MEI1: variants seen among roughly 807,000 people sequenced by gnomAD.
MEI1 encodes the protein meiosis inhibitor protein 1.
Under a neutral mutation model 146.2 loss-of-function variants are expected in MEI1, and 103 were observed. That is an observed-to-expected ratio of 0.70 (90% confidence interval 0.60 to 0.83). MEI1 has a LOEUF of 0.83. MEI1 is among the 40% of genes least tolerant of loss of function. The pLI is 0.00. For missense variants in MEI1, 1,529 were observed against 1,533.0 expected (o/e 1.00, Z 0.04); for synonymous variants, 652 against 628.2 (o/e 1.04, Z -0.57).
chr22:41,708,587 C>A (rs899019269), intron 3 of MEI1, among the ~76,000 whole-genome samples: 3 of 152,182 alleles, frequency 2.0e-5, no homozygotes, highest in African/African-American at 7.2e-5. Context: ...ATGAAGTCTT[C>A]ATCTGATGCT....
chr22:41,713,656 C>G (rs1280631965), intron 3 of MEI1, among the ~76,000 whole-genome samples: 2 of 152,174 alleles, frequency 1.3e-5, no homozygotes, highest in East Asian at 3.9e-4. Flanking sequence ...TCAAGCAATT[C>G]TCCTGCCTCA....
intron 1 of MEI1, among the ~76,000 whole-genome samples, chr22:41,700,730 G>A (rs1235721011): frequency 6.7e-6 from 1 of 150,004 alleles, no homozygotes; most frequent in Non-Finnish European, 1.5e-5. Flanking sequence ...GGGTGGATTG[G>A]CTAGATCAGC....
At chr22:41,747,670 C>G (rs977565032) in intron 14 of MEI1, among the ~76,000 whole-genome samples, 1 of 151,838 alleles carries the variant, frequency 6.6e-6, no homozygotes, top group Non-Finnish European at 1.5e-5. Context: ...CACCACTGAT[C>G]GCCAGCCTGG....
intron 14 of MEI1, among the ~76,000 whole-genome samples, chr22:41,746,951 G>C (rs2073340752): frequency 6.6e-6 from 1 of 152,088 alleles, no homozygotes; most frequent in South Asian, 2.1e-4. Flanking sequence ...TGAAGTGTTA[G>C]AGCTAAATCT....
At chr22:41,737,728 G>T (rs998099912) in intron 11 of MEI1, among the ~76,000 whole-genome samples, 1 of 151,842 alleles carries the variant, frequency 6.6e-6, no homozygotes, top group African/African-American at 2.4e-5. Flanking sequence ...TTTGTACCCC[G>T]CCTCCCCCCA....
intron 11 of MEI1, among the ~76,000 whole-genome samples, chr22:41,736,284 T>C (rs1413732098): frequency 6.6e-6 from 1 of 151,600 alleles, no homozygotes. Flanking sequence ...GAGTCTTGCT[T>C]TGTCTCCCAC....
At chr22:41,702,697 G>A (rs576157977) in intron 1 of MEI1, among the ~76,000 whole-genome samples, 4 of 151,556 alleles carry the variant, frequency 2.6e-5, no homozygotes, top group South Asian at 2.1e-4. Context: ...TGCCTGCTTC[G>A]GCCTCCCAAA....
chr22:41,706,848 C>T (rs1011747355), intron 3 of MEI1, among the ~76,000 whole-genome samples: 2 of 151,932 alleles, frequency 1.3e-5, no homozygotes, highest in South Asian at 4.2e-4. Context: ...AGGATCCAGT[C>T]AGGAAATAGA....
Position 41,758,361 on chromosome 22 carries a change from C to A in MEI1, c.1952-4C>A. On this transcript the variant is annotated splice_region_variant and splice_polypyrimidine_tract_variant and intron_variant, in intron 17 of 30. Coordinates refer to ENST00000401548, the MANE Select transcript of MEI1 (RefSeq NM_152513.4). Reference sequence around the variant, plus strand: ...TGGCTTTCCTCTACTTATTCCCTCCCTAGAACTCTCTGCAGTGTCTGAGCT... The same window carrying A: ...TGGCTTTCCTCTACTTATTCCCTCCATAGAACTCTCTGCAGTGTCTGAGCT... 1 of 1,611,434 alleles carries A rather than the reference C, an allele frequency of 6.2e-7. No homozygotes were observed.
intron 26 of MEI1, among the ~76,000 whole-genome samples, chr22:41,792,651 G>A (rs1413285668): frequency 2.6e-5 from 4 of 152,106 alleles, no homozygotes; most frequent in African/African-American, 4.8e-5. Context: ...GGTTATGGGG[G>A]TGATAAGTGT....
At chr22:41,760,617 A>G (rs1050802533) in intron 18 of MEI1, among the ~76,000 whole-genome samples, 2 of 152,222 alleles carry the variant, frequency 1.3e-5, no homozygotes, top group Non-Finnish European at 2.9e-5. Context: ...GGCTTTATTC[A>G]GCTGGGAGCA....
chr22:41,728,347 G>A (rs572506000), intron 7 of MEI1, among the ~76,000 whole-genome samples: 1 of 152,322 alleles, frequency 6.6e-6, no homozygotes, highest in East Asian at 1.9e-4. Context: ...AATAGCCTCA[G>A]GCCTACTGTG....
Position 41,705,532 on chromosome 22 carries a change from T to C in MEI1, c.327T>C (p.Ser109=), listed in dbSNP as rs779069793. ...TATTATGCAGCATGGAAGATGGGAG[T>C]GTGACAGACCTCTGTATTGAAGGTA... ...FGLLCSMEDG[S]VTDLCIEVLI... is the part of the protein sequence containing the mutation. Residue 109 remains serine (S), a synonymous_variant, in exon 3 of 31, where the codon AGT becomes AGC. Coordinates refer to ENST00000401548, the MANE Select transcript of MEI1 (RefSeq NM_152513.4). 9 of 1,613,406 alleles carry C rather than the reference T, an allele frequency of 5.6e-6. No individual in the cohort carries two copies. The highest frequency in any genetic ancestry group is 1.1e-5 in the South Asian group (1 of 91,060).
intron 3 of MEI1, 80 bp from the exon 4 acceptor site, chr22:41,713,922 T>C (rs2069849922): frequency 8.5e-7 from 1 of 1,175,840 alleles, no homozygotes; most frequent in East Asian, 2.5e-5. Context: ...TATCCTGCAC[T>C]GATTGAGTAG....
intron 15 of MEI1, among the ~76,000 whole-genome samples, chr22:41,748,895 C>G (rs186002988): frequency 3.9e-5 from 6 of 152,154 alleles, no homozygotes; most frequent in Admixed American, 3.9e-4. Flanking sequence ...GCTTCGCCTC[C>G]CAGGTCATGC....
chr22:41,717,980 T>C (rs2070369319), intron 5 of MEI1, 91 bp from the exon 6 acceptor site: 2 of 1,104,328 alleles, frequency 1.8e-6, no homozygotes, highest in Admixed American at 5.1e-5. Flanking sequence ...GGACTTACCA[T>C]TACTACCCCG....
chr22:41,734,929 C>G lies in MEI1; in HGVS notation c.1331+2326C>G, dbSNP rs79170420. Among the ~76,000 whole-genome samples, 1,095 of 151,668 alleles carry G rather than the reference C, an allele frequency of 7.2e-3. 18 individuals carry two copies. The highest frequency in any genetic ancestry group is 0.025 in the African/African-American group (1,048 of 41,386). ...TAGGATTACAGGTATGAGCCACTTG[C>G]ACCTGGCCTACATTTTATATATTTT... On this transcript the variant is annotated intron_variant, in intron 11 of 30. Coordinates refer to ENST00000401548, the MANE Select transcript of MEI1 (RefSeq NM_152513.4).
intron 15 of MEI1, among the ~76,000 whole-genome samples, chr22:41,749,711 A>G (rs1217632037): frequency 1.3e-5 from 2 of 152,228 alleles, no homozygotes; most frequent in African/African-American, 4.8e-5. Context: ...GGAGGCATGT[A>G]TCTCAGCCTC....
chr22:41,762,501 T>C (rs997384163), intron 18 of MEI1, among the ~76,000 whole-genome samples: 2 of 151,634 alleles, frequency 1.3e-5, no homozygotes, highest in Admixed American at 6.6e-5. Context: ...CAGCCTCCCA[T>C]GTAGCTGGGA....
Sources: allele counts gnomAD v4.1 joint callset (sites outside exome capture counted in the v4.1 genomes callset), GRCh38; gene constraint gnomAD v4.1.1; transcripts MANE v1.5; gene names NCBI Gene and HGNC (gene_info 2026-07-23, HGNC 2026-07-21).